TECTA: variants seen among roughly 807,000 people sequenced by gnomAD.
The protein encoded by TECTA is alpha-tectorin.
In TECTA, 128 loss-of-function variants were observed where a neutral mutation model predicts 216.8. The observed-to-expected ratio is 0.59, with a 90% CI of 0.51 to 0.68. The LOEUF (loss-of-function observed/expected upper bound fraction) is 0.68, where lower values mean the gene tolerates loss of function less well. TECTA is among the 30% of genes least tolerant of loss of function. The probability of loss-of-function intolerance (pLI) is 0.00; values close to 1 mark genes in which losing one functional copy is unlikely to be tolerated. For missense variants in TECTA, 2,551 were observed against 2,786.2 expected, an observed-to-expected ratio of 0.92 and a Z score of 1.90; for synonymous variants, 1,089 against 1,117.1, an observed-to-expected ratio of 0.97 and a Z score of 0.50.
intron 12 of TECTA, among the ~76,000 whole-genome samples, chr11:121,148,167 G>A (rs1946857661): frequency 6.6e-6 from 1 of 152,134 alleles, no homozygotes; most frequent in Non-Finnish European, 1.5e-5. Context: ...ACCCAGAGCC[G>A]AGTCTGCCCT....
In TECTA at chr11:121,109,198, C is replaced by G. The variant is rs1565516653; in HGVS notation, c.199-13C>G. 5 of 1,614,060 alleles carry G rather than the reference C, an allele frequency of 3.1e-6. No individual in the cohort carries two copies. The South Asian group carries it at 5.5e-5, about 18-fold the overall frequency. Reference sequence around the variant, plus strand: ...TTCAGATCCACTGTGCAAAACCTCTCTTATTTTCGTAGGTCAATAACAACG... The same window carrying G: ...TTCAGATCCACTGTGCAAAACCTCTGTTATTTTCGTAGGTCAATAACAACG... On this transcript the variant is annotated splice_polypyrimidine_tract_variant and intron_variant, in intron 3 of 23. Transcript: ENST00000392793.
Position 121,169,002 on chromosome 11 carries a change from A to G in TECTA, c.5999+77A>G, listed in dbSNP as rs656402. 5.7e-3 allele frequency: 9,130 copies of G among 1,609,440 alleles called. 385 individuals carry two copies. The African/African-American group carries it at 0.1, about 18-fold the overall frequency. On this transcript the variant is annotated intron_variant, in intron 20 of 23. Coordinates refer to ENST00000392793, the MANE Select transcript of TECTA (RefSeq NM_005422.4). The stretch of plus-strand genomic sequence containing the variant: ...TCCTCATCATTTTTTAAGGAAGGGA[A>G]TGGAAACTAATATTTGTTGGCTGCC...
intron 20 of TECTA, among the ~76,000 whole-genome samples, chr11:121,185,109 C>T (rs1947268841): frequency 6.6e-6 from 1 of 152,198 alleles, no homozygotes; most frequent in Admixed American, 6.5e-5. Context: ...AGAGCATGTT[C>T]ATAAATCTCA....
At chr11:121,128,388 C>A (rs912843681) in intron 9 of TECTA, 44 bp downstream of exon 9, 3 of 1,577,646 alleles carry the variant, frequency 1.9e-6, no homozygotes, top group African/African-American at 2.7e-5. Flanking sequence ...GTACGTCCAG[C>A]CAGGAGGAGG....
rs2298478 is a variant in TECTA at position 121,113,378 on chromosome 11, C to G, written c.624+169C>G. On this transcript the variant is annotated intron_variant, in intron 5 of 23. Coordinates refer to ENST00000392793, the MANE Select transcript of TECTA (RefSeq NM_005422.4). The surrounding 1 kb of genome is among the most constrained non-coding windows in gnomAD (Gnocchi z 4.2). Reference sequence around the variant, plus strand: ...CCTGCCCATGTTTGGCACCCTGACTCGGCTATGAAATGAACTAGGCAGTCC... The same window carrying G: ...CCTGCCCATGTTTGGCACCCTGACTGGGCTATGAAATGAACTAGGCAGTCC... Among the ~76,000 whole-genome samples, 31,277 of 152,054 alleles carry G rather than the reference C, an allele frequency of 0.21. 3,711 individuals carry two copies. Among genetic ancestry groups the G allele is most frequent in the Non-Finnish European group, 0.28 (18,757 of 67,960 alleles).
At chr11:121,172,027 G>A (rs1947117537) in intron 20 of TECTA, among the ~76,000 whole-genome samples, 1 of 152,090 alleles carries the variant, frequency 6.6e-6, no homozygotes, top group African/African-American at 2.4e-5. Flanking sequence ...GATATTATCT[G>A]TGGGTTTGTC....
chr11:121,142,113 C>A (rs1200123720), intron 11 of TECTA, among the ~76,000 whole-genome samples: 1 of 152,112 alleles, frequency 6.6e-6, no homozygotes. Context: ...GTGAGGGATG[C>A]AAGGAGACTT....
chr11:121,109,817 A>G (rs2135055517), intron 4 of TECTA: 1 of 372,684 alleles, frequency 2.7e-6, no homozygotes, highest in Admixed American at 4.0e-5. Flanking sequence ...ACTGAGACCC[A>G]TTCCAGGCCA....
intron 10 of TECTA, among the ~76,000 whole-genome samples, chr11:121,132,540 T>C (rs1023822769): frequency 6.6e-6 from 1 of 152,168 alleles, no homozygotes; most frequent in Admixed American, 6.5e-5. Context: ...TCATTGATTC[T>C]AGCATTCCTT....
chr11:121,189,712 A>G (rs1947323274), intron 22 of TECTA, 52 bp from the exon 23 acceptor site: 16 of 1,522,778 alleles, frequency 1.1e-5, no homozygotes, highest in Non-Finnish European at 1.4e-5. Flanking sequence ...CTTCAATACC[A>G]GTGGAAGGGT....
At chr11:121,161,810 C>T (rs913997107) in intron 15 of TECTA, among the ~76,000 whole-genome samples, 4 of 151,772 alleles carry the variant, frequency 2.6e-5, no homozygotes, top group African/African-American at 9.7e-5. Context: ...TCAATATCGG[C>T]CTTTCATGTG....
chr11:121,164,368 A>G (rs917030487), intron 16 of TECTA, among the ~76,000 whole-genome samples: 1 of 152,200 alleles, frequency 6.6e-6, no homozygotes, highest in Non-Finnish European at 1.5e-5. Flanking sequence ...GCTGGGATTG[A>G]ACAGTTGTTT....
intron 13 of TECTA, among the ~76,000 whole-genome samples, chr11:121,157,526 C>T (rs556584918): frequency 1.4e-3 from 211 of 152,154 alleles, no homozygotes; most frequent in African/African-American, 4.7e-3. Flanking sequence ...CCAGGCGTTC[C>T]GGGTTACTTA....
intron 20 of TECTA, among the ~76,000 whole-genome samples, chr11:121,184,426 T>C (rs540419459): frequency 1.3e-5 from 2 of 152,312 alleles, no homozygotes; most frequent in South Asian, 4.2e-4. Flanking sequence ...CCTGGACCAC[T>C]TGCTTATCCT....
At chr11:121,168,316 G>C (rs1383656291) in intron 19 of TECTA, 99 bp downstream of exon 19, 6 of 1,487,922 alleles carry the variant, frequency 4.0e-6, no homozygotes, top group African/African-American at 1.4e-5. Context: ...GATGCCCTAG[G>C]AAAAACATAA....
Position 121,125,532 on chromosome 11 carries a change from G to A in TECTA, c.1434G>A (p.Arg478=), listed in dbSNP as rs1406510765. 3.7e-6 allele frequency: 6 copies of A among 1,614,214 alleles called. No individual in the cohort carries two copies. The highest frequency in any genetic ancestry group is 5.1e-6 in the Non-Finnish European group (6 of 1,180,050). ...ATGACTTCCTCCGCCCGGATGGCAG[G>A]CCGGCCATGTCTGTCCTGGATCTGG... ...PLDDFLRPDG[R]PAMSVLDLGE... is the part of the protein sequence containing the mutation. The change falls in exon 8 of 24, where the codon AGG becomes AGA. Residue 478 remains arginine (R), a synonymous_variant. Transcript: ENST00000392793.
chr11:121,102,815 A>G (rs960205480), intron 2 of TECTA, 86 bp downstream of exon 2: 1 of 1,139,528 alleles, frequency 8.8e-7, no homozygotes. Flanking sequence ...CACAATTGTA[A>G]GGGCAGGTGC....
chr11:121,110,575 A>G (rs957617667), intron 4 of TECTA: 5 of 152,232 alleles, frequency 3.3e-5, no homozygotes, highest in African/African-American at 1.2e-4. Context: ...TTGGCTAGAA[A>G]TAACCTCTAA....
intron 3 of TECTA, among the ~76,000 whole-genome samples, chr11:121,108,803 C>T (rs1196750095): frequency 1.2e-5 from 1 of 82,392 alleles, no homozygotes; most frequent in South Asian, 5.1e-4. Flanking sequence ...TACTCCTCAC[C>T]TCAGTACACA....
Sources: gnomAD v4.1 joint callset for allele counts (sites outside exome capture counted in the v4.1 genomes callset) on GRCh38, gnomAD v4.1.1 for gene constraint, Gnocchi (gnomAD v3.1) non-coding constraint, MANE v1.5 for transcripts, NCBI Gene and HGNC (gene_info 2026-07-23, HGNC 2026-07-21) for gene names.